Variants in SEZ6L observed in about 807,000 individuals in gnomAD.
SEZ6L encodes the protein seizure 6-like protein.
In SEZ6L, 37 loss-of-function variants were observed where a neutral mutation model predicts 106.2. The ratio of observed to expected loss-of-function variants is 0.35; its 90% confidence interval spans 0.27 to 0.46. The LOEUF is 0.46. Among genes scored for constraint, SEZ6L ranks in the 20% least tolerant of loss-of-function variants. The probability of loss-of-function intolerance (pLI) is 1.00; values close to 1 mark genes in which losing one functional copy is unlikely to be tolerated. For missense variants in SEZ6L, 1,172 were observed against 1,332.8 expected (o/e 0.88, Z 1.88); for synonymous variants, 541 against 570.4 (o/e 0.95, Z 0.73).
At chr22:26,303,197 A>G (rs2081508925) in intron 5 of SEZ6L, among the ~76,000 whole-genome samples, 1 of 152,196 alleles carries the variant, frequency 6.6e-6, no homozygotes, top group East Asian at 1.9e-4. Flanking sequence ...AGAGAAATGA[A>G]CCTAGCTTTC....
In SEZ6L at chr22:26,282,628, C is replaced by T. The variant is rs148198552; in HGVS notation, c.95-9778C>T. Among the ~76,000 whole-genome samples the T allele has an allele frequency of 5.9e-4, 90 of 152,266 alleles. 1 individual carries two copies. In the East Asian group the frequency reaches 0.012, roughly 21 times the overall value. On this transcript the variant is annotated intron_variant, in intron 1 of 16. Coordinates refer to ENST00000248933, the MANE Select transcript of SEZ6L (RefSeq NM_021115.5). The stretch of plus-strand genomic sequence containing the variant: ...GTGAAAGGTTGGGACCAACCGTAGG[C>T]ACAGCTTCAGGTAGAAAGCGGCATC...
chr22:26,357,134 G>A (rs1160884745), intron 12 of SEZ6L, among the ~76,000 whole-genome samples: 1 of 152,088 alleles, frequency 6.6e-6, no homozygotes, highest in Non-Finnish European at 1.5e-5. Context: ...TGTATTTTTA[G>A]TAGAGATGGG....
chr22:26,370,560 T>C (rs950250188), intron 13 of SEZ6L, among the ~76,000 whole-genome samples: 2 of 152,146 alleles, frequency 1.3e-5, no homozygotes, highest in Non-Finnish European at 2.9e-5. Flanking sequence ...GGAGCAGTTT[T>C]CCTCTCTCCT....
intron 15 of SEZ6L, among the ~76,000 whole-genome samples, chr22:26,376,735 C>A (rs1010494788): frequency 7.2e-5 from 11 of 151,946 alleles, no homozygotes; most frequent in Admixed American, 3.3e-4. Flanking sequence ...GGCAACAAAG[C>A]AAGACTCCAT....
chr22:26,318,621 T>G (rs767783632), intron 9 of SEZ6L, among the ~76,000 whole-genome samples: 6 of 152,250 alleles, frequency 3.9e-5, no homozygotes, highest in Non-Finnish European at 8.8e-5. Flanking sequence ...ATTTGTTCTT[T>G]GGATTAATCC....
intron 1 of SEZ6L, among the ~76,000 whole-genome samples, chr22:26,243,741 G>A (rs1461605597): frequency 2.6e-5 from 4 of 152,214 alleles, no homozygotes; most frequent in Admixed American, 6.5e-5. Context: ...GCAACTAAAA[G>A]AAGAGGAGGA....
chr22:26,375,408 A>T (rs1281929390), intron 14 of SEZ6L, among the ~76,000 whole-genome samples, 167 bp from the exon 15 acceptor site: 3 of 152,014 alleles, frequency 2.0e-5, no homozygotes. Context: ...GCAAAGGACC[A>T]CCACCATTTC....
intron 1 of SEZ6L, 82 bp downstream of exon 1, chr22:26,169,845 C>T: frequency 1.6e-6 from 1 of 640,250 alleles, no homozygotes. Context: ...CTGACCAGGG[C>T]GACTCAGGCA....
chr22:26,353,888 A>G, intron 12 of SEZ6L, among the ~76,000 whole-genome samples: 1 of 151,676 alleles, frequency 6.6e-6, no homozygotes, highest in African/African-American at 2.4e-5. Context: ...AGTGTCTTCA[A>G]CATCCTAACC....
At chr22:26,272,138 A>G (rs1244969009) in intron 1 of SEZ6L, among the ~76,000 whole-genome samples, 1 of 152,244 alleles carries the variant, frequency 6.6e-6, no homozygotes, top group African/African-American at 2.4e-5. Context: ...GTCCTTGGCC[A>G]TAGAAGGCAA....
chr22:26,173,451 T>A (rs1365023237), intron 1 of SEZ6L, among the ~76,000 whole-genome samples: 1 of 152,220 alleles, frequency 6.6e-6, no homozygotes, highest in Non-Finnish European at 1.5e-5. Context: ...CAAACTCTCA[T>A]GCTGTTTCTT....
At chr22:26,321,140 C>T (rs2082141738) in intron 9 of SEZ6L, among the ~76,000 whole-genome samples, 1 of 152,230 alleles carries the variant, frequency 6.6e-6, no homozygotes, top group African/African-American at 2.4e-5. Flanking sequence ...GCACTTAGGA[C>T]ATCCCAAGCA....
intron 1 of SEZ6L, among the ~76,000 whole-genome samples, chr22:26,188,264 A>G (rs1363597735): frequency 1.3e-5 from 2 of 152,178 alleles, no homozygotes; most frequent in African/African-American, 4.8e-5. Flanking sequence ...CATCCCTGAA[A>G]TTCAGTGGCT....
intron 13 of SEZ6L, among the ~76,000 whole-genome samples, chr22:26,369,965 A>G (rs2083970442): frequency 6.6e-6 from 1 of 152,200 alleles, no homozygotes; most frequent in African/African-American, 2.4e-5. Context: ...GAGCTTAAGT[A>G]TTGGGAAGTT....
In SEZ6L at chr22:26,169,679, GC is replaced by G; in HGVS notation, c.13del (p.Arg5GlyfsTer63). 7.6e-7 allele frequency: 1 copy of G among 1,312,612 alleles called. No homozygotes were observed. The highest frequency in any genetic ancestry group is 2.1e-5 in the South Asian group (1 of 47,714). The allele number at this position is 1,312,612 out of a possible 1,614,324, so 81.3% of individuals were successfully genotyped here. A position where few individuals can be genotyped will look rare whatever the true frequency, so the allele number is the denominator to read the frequency against. On this transcript the variant is annotated frameshift_variant, in exon 1 of 17. Transcript: ENST00000248933. LOFTEE classifies it high-confidence loss of function. ...GCCCCCTGCAGCCACGATGCCCGCG[GC>G]CCGGCCGCCCGCCGCGGGACTCCGC... is the stretch of plus-strand genomic sequence containing the variant. MPA[A>X]RPPAAGLRGI...
At chr22:26,349,445 A>G (rs1351068175) in intron 11 of SEZ6L, among the ~76,000 whole-genome samples, 1 of 152,264 alleles carries the variant, frequency 6.6e-6, no homozygotes, top group Non-Finnish European at 1.5e-5. Context: ...CTTTGGAAAC[A>G]ACGCTGCTGT....
At chr22:26,293,202 T>G in intron 2 of SEZ6L, 56 bp downstream of exon 2, 1 of 1,455,400 alleles carries the variant, frequency 6.9e-7, no homozygotes, top group South Asian at 1.4e-5. Context: ...GCACTCACTA[T>G]GTTCAGGGCA....
intron 1 of SEZ6L, among the ~76,000 whole-genome samples, chr22:26,286,256 C>T (rs1185670286): frequency 2.6e-5 from 4 of 152,186 alleles, no homozygotes; most frequent in African/African-American, 4.8e-5. Context: ...TCAATGATTC[C>T]ATCTGTGAAG....
chr22:26,177,968 T>G (rs1286040673), intron 1 of SEZ6L, among the ~76,000 whole-genome samples: 1 of 152,174 alleles, frequency 6.6e-6, no homozygotes, highest in Non-Finnish European at 1.5e-5. Flanking sequence ...AACCCCTCAC[T>G]CATGTCTTCT....
Sources: gnomAD v4.1 joint callset for allele counts (sites outside exome capture counted in the v4.1 genomes callset) on GRCh38, gnomAD v4.1.1 for gene constraint, MANE v1.5 for transcripts, NCBI Gene and HGNC (gene_info 2026-07-23, HGNC 2026-07-21) for gene names.